The following HDAC9 variants were observed in gnomAD, a reference collection of about 807,000 sequenced individuals.
HDAC9 encodes the protein MEF-2 interacting transcription repressor (MITR) protein.
A neutral mutation model predicts 139.4 loss-of-function variants in HDAC9; 41 were observed. That is an observed-to-expected ratio of 0.29 (90% CI 0.23 to 0.38). The LOEUF (loss-of-function observed/expected upper bound fraction) is 0.38. Ranked by LOEUF, HDAC9 falls within the 10% of genes least tolerant of loss-of-function variation. HDAC9 has a pLI of 1.00. For synonymous variants in HDAC9, 517 were observed against 476.2 expected, an observed-to-expected ratio of 1.09 and a Z score of -1.12; for missense variants, 1,147 against 1,297.0, an observed-to-expected ratio of 0.88 and a Z score of 1.78.
intron 1 of HDAC9, among the ~76,000 whole-genome samples, chr7:18,349,166 A>G (rs1223148978): frequency 6.6e-6 from 1 of 152,100 alleles, no homozygotes; most frequent in Non-Finnish European, 1.5e-5. Context: ...AAAGCACTGC[A>G]CCGTATGTCT....
At chr7:18,701,179 G>A (rs115463056) in intron 12 of HDAC9, among the ~76,000 whole-genome samples, 1,757 of 151,538 alleles carry the variant, frequency 0.012, 36 homozygotes, top group African/African-American at 0.04. Flanking sequence ...GCCACTGTGA[G>A]GTTTTTTTCC....
At chr7:18,790,669 G>A (rs762719998) in intron 16 of HDAC9, among the ~76,000 whole-genome samples, 37 of 152,110 alleles carry the variant, frequency 2.4e-4, no homozygotes, top group Non-Finnish European at 3.8e-4. Context: ...GACCATTACC[G>A]TTTATAAGCA....
At chr7:18,149,945 C>T (rs1159173445) in intron 1 of HDAC9, among the ~76,000 whole-genome samples, 1 of 152,138 alleles carries the variant, frequency 6.6e-6, no homozygotes, top group Non-Finnish European at 1.5e-5. Flanking sequence ...GATACTCCCG[C>T]CTCAGCCTCC....
chr7:18,314,599 C>A (rs1038370942), intron 1 of HDAC9, among the ~76,000 whole-genome samples: 1 of 152,010 alleles, frequency 6.6e-6, no homozygotes, highest in Non-Finnish European at 1.5e-5. Context: ...CTTCATTGTT[C>A]TTATATGTTC....
In HDAC9 at chr7:18,404,926, T is replaced by TC. The variant is rs548420220; in HGVS notation, c.-41-91335dup. Reference sequence around the variant, plus strand: ...GGTGTCCAGAGCTCACCCCAGCAGCTCAGGGAACCAGCCCTGGGCAGGACG... The same window carrying TC: ...GGTGTCCAGAGCTCACCCCAGCAGCTCCAGGGAACCAGCCCTGGGCAGGACG... On this transcript the variant is annotated intron_variant, in intron 1 of 3. Transcript: ENST00000413509. Among the ~76,000 whole-genome samples, 31 of 152,344 alleles carry TC rather than the reference T, an allele frequency of 2.0e-4. 1 individual carries two copies. The highest frequency in any genetic ancestry group is 7.2e-4 in the African/African-American group (30 of 41,568).
intron 1 of HDAC9, among the ~76,000 whole-genome samples, chr7:18,105,696 A>C (rs895914922): frequency 6.6e-6 from 1 of 151,906 alleles, no homozygotes; most frequent in Non-Finnish European, 1.5e-5. Flanking sequence ...TAGTTCCTCA[A>C]AAAGCTAACC....
intron 1 of HDAC9, among the ~76,000 whole-genome samples, chr7:18,112,738 A>G (rs1444132766): frequency 6.6e-6 from 1 of 152,160 alleles, no homozygotes; most frequent in Non-Finnish European, 1.5e-5. Flanking sequence ...ATGTGTGTAT[A>G]TACACTTTTA....
At chr7:18,533,305 T>G (rs535378822) in intron 2 of HDAC9, among the ~76,000 whole-genome samples, 1 of 152,326 alleles carries the variant, frequency 6.6e-6, no homozygotes, top group South Asian at 2.1e-4. Context: ...GGCTCCCCAC[T>G]CATCCTTGGT....
At chr7:18,629,904 C>T (rs1781817110) in intron 7 of HDAC9, among the ~76,000 whole-genome samples, 1 of 152,116 alleles carries the variant, frequency 6.6e-6, no homozygotes, top group Non-Finnish European at 1.5e-5. Context: ...CTACATGGAA[C>T]AGCAAAACCT....
intron 2 of HDAC9, among the ~76,000 whole-genome samples, chr7:18,501,652 TGAA>T (rs1211610806): frequency 6.6e-6 from 1 of 152,148 alleles, no homozygotes; most frequent in African/African-American, 2.4e-5. Context: ...ATCCATCTCC[TGAA>T]GAATTCATAT....
At chr7:18,593,862 A>G in intron 5 of HDAC9, 46 bp from the exon 6 acceptor site, 1 of 1,607,282 alleles carries the variant, frequency 6.2e-7, no homozygotes, top group East Asian at 2.2e-5. Flanking sequence ...ACCAATATGC[A>G]GTAAAAACTA....
intron 22 of HDAC9, 82 bp downstream of exon 22, chr7:18,874,678 C>G: frequency 1.3e-6 from 1 of 770,536 alleles, no homozygotes; most frequent in Admixed American, 2.1e-5. Flanking sequence ...CCACCTTTTA[C>G]ATGTGTCCAG....
At chr7:18,139,029 T>C (rs1314519144) in intron 1 of HDAC9, among the ~76,000 whole-genome samples, 1 of 152,102 alleles carries the variant, frequency 6.6e-6, no homozygotes, top group Non-Finnish European at 1.5e-5. Context: ...AATTTTCTTT[T>C]AAATGATTCA....
chr7:18,812,274 T>C (rs1043191362), intron 17 of HDAC9, among the ~76,000 whole-genome samples: 2 of 152,082 alleles, frequency 1.3e-5, no homozygotes, highest in East Asian at 3.9e-4. Flanking sequence ...CTTTCTAGTG[T>C]TCTGTATTCA....
rs558017166 is a variant in HDAC9, at chr7:18,110,519, G to A, written c.-97+23306G>A. On this transcript the variant is annotated intron_variant, in intron 1 of 12. Transcript: ENST00000417496. ...ACAAAGGACAAGGAACTCCATGTAA[G>A]TGCAAATGGAGTGTAGACTCCACAT... Among the ~76,000 whole-genome samples, 7 of 152,294 alleles carry A rather than the reference G, an allele frequency of 4.6e-5. No individual in the cohort carries two copies. The South Asian group carries it at 1.4e-3, about 32-fold the overall frequency.
At chr7:18,426,882 A>G (rs994143249) in intron 1 of HDAC9, among the ~76,000 whole-genome samples, 6 of 152,222 alleles carry the variant, frequency 3.9e-5, no homozygotes, top group Non-Finnish European at 7.4e-5. Context: ...GACATTTCAC[A>G]TAACACTTTG....
chr7:18,119,457 C>CG (rs1554301148), intron 1 of HDAC9, among the ~76,000 whole-genome samples: 1 of 152,112 alleles, frequency 6.6e-6, no homozygotes, highest in Non-Finnish European at 1.5e-5. Flanking sequence ...GTAGAGAGAC[C>CG]GAAGCTACCA....
intron 12 of HDAC9, among the ~76,000 whole-genome samples, chr7:18,700,375 A>T (rs1421559226): frequency 6.6e-6 from 1 of 152,214 alleles, no homozygotes; most frequent in South Asian, 2.1e-4. Context: ...TTTTGCGTGA[A>T]TAACGGTGAC....
At chr7:18,499,794 A>C (rs1416854094) in intron 2 of HDAC9, among the ~76,000 whole-genome samples, 1 of 152,172 alleles carries the variant, frequency 6.6e-6, no homozygotes, top group Non-Finnish European at 1.5e-5. Flanking sequence ...AAAACATTTA[A>C]ATCAAAGTCC....
Sources: allele counts gnomAD v4.1 joint callset (sites outside exome capture counted in the v4.1 genomes callset), GRCh38; gene constraint gnomAD v4.1.1; transcripts MANE v1.5; gene names NCBI Gene and HGNC (gene_info 2026-07-23, HGNC 2026-07-21).